Variants in MYBPC1 observed in about 807,000 individuals in gnomAD.
MYBPC1 encodes myosin binding protein C1, also known as myosin-binding protein C, slow-type.
Under a neutral mutation model 147.1 loss-of-function variants are expected in MYBPC1, and 52 were observed. The ratio of observed to expected loss-of-function variants is 0.35; its 90% CI spans 0.28 to 0.45. The LOEUF (loss-of-function observed/expected upper bound fraction) is 0.45, where lower values mean the gene tolerates loss of function less well. MYBPC1 is among the 20% of genes least tolerant of loss of function. The probability of loss-of-function intolerance (pLI) is 1.00; values close to 1 mark genes in which losing one functional copy is unlikely to be tolerated. For synonymous variants in MYBPC1, 477 were observed against 475.9 expected (o/e 1.00, Z -0.03); for missense variants, 1,228 against 1,440.3 (o/e 0.85, Z 2.39).
chr12:101,607,862 G>C (rs1441670079), intron 1 of MYBPC1, among the ~76,000 whole-genome samples: 1 of 152,182 alleles, frequency 6.6e-6, no homozygotes, highest in Non-Finnish European at 1.5e-5. Context: ...TAAGACGTAA[G>C]ATTTCTTTTT....
At chr12:101,690,100 G>A (rs1042959226), downstream of MYBPC1, among the ~76,000 whole-genome samples, 6 of 152,112 alleles carry the variant, frequency 3.9e-5, no homozygotes, top group Admixed American at 2.0e-4. Context: ...ACTTGAACCC[G>A]GGAGGCGGAG....
In MYBPC1 at chr12:101,631,835, T is replaced by A. The variant is rs1346353508; in HGVS notation, c.438+116T>A. 2.0e-6 allele frequency: 3 copies of A among 1,496,500 alleles called. No homozygotes were observed. The African/African-American group carries it at 4.2e-5, about 21-fold the overall frequency. 92.7% of individuals were successfully genotyped at this position (1,496,500 alleles called of 1,614,324 possible). A position where few individuals can be genotyped will look rare whatever the true frequency, so the allele number is the denominator to read the frequency against. On this transcript the variant is annotated intron_variant, in intron 7 of 31. Coordinates refer to ENST00000361466, the MANE Select transcript of MYBPC1 (RefSeq NM_002465.4). ...TTCAGTTCCAGAAAATCCTCTGAAGTTACCATTGCAGTGTCTACACTCTAT... is the reference window on the plus strand; with the variant it reads ...TTCAGTTCCAGAAAATCCTCTGAAGATACCATTGCAGTGTCTACACTCTAT...
intron 1 of MYBPC1, among the ~76,000 whole-genome samples, chr12:101,603,596 T>C (rs79390565): frequency 0.026 from 3,885 of 152,176 alleles, 120 homozygotes; most frequent in South Asian, 0.1. Context: ...CCAGCAACAG[T>C]TTGGAGCAAG....
intron 23 of MYBPC1, chr12:101,670,094 C>T: frequency 3.4e-6 from 2 of 595,660 alleles, no homozygotes; most frequent in Non-Finnish European, 6.0e-6. Context: ...TTTGCTGAGT[C>T]AAACTGTTAA....
intron 23 of MYBPC1, chr12:101,669,791 G>C (rs187057039): frequency 3.0e-4 from 60 of 199,498 alleles, no homozygotes; most frequent in African/African-American, 1.4e-3. Flanking sequence ...ACAAAAATTA[G>C]CCAGGCGTGG....
rs1321510374 is a variant in MYBPC1 at position 101,663,463 on chromosome 12, T to C, written c.2259T>C (p.Ser753=). 1.2e-6 allele frequency: 2 copies of C among 1,614,008 alleles called. No homozygotes were observed. Among genetic ancestry groups the C allele is most frequent in the Non-Finnish European group, 1.7e-6 (2 of 1,179,852 alleles). The change falls in exon 22 of 32, where the codon TCT becomes TCC. Residue 753 remains serine, a synonymous_variant. Transcript: ENST00000361466. ...TSPPTLLTVD[S]VTDTTVTMRW... ...CTCCTACTCTTCTGACTGTGGACTC[T>C]GTCACTGACACGACTGTCACGATGA...
chr12:101,601,285 G>A (rs1879817663), intron 1 of MYBPC1, among the ~76,000 whole-genome samples: 3 of 152,188 alleles, frequency 2.0e-5, no homozygotes. Context: ...TGATCATACT[G>A]TCTTGTCGTA....
Position 101,614,664 on chromosome 12 carries a change from C to A in MYBPC1, c.61+133C>A, listed in dbSNP as rs1169656029. 5 of 857,758 alleles carry A rather than the reference C, an allele frequency of 5.8e-6. No individual in the cohort carries two copies. In the Admixed American group the frequency reaches 6.0e-5, roughly 10 times the overall value. The allele number at this position is 857,758 out of a possible 1,614,324, so 53.1% of individuals were successfully genotyped here. A position where few individuals can be genotyped will look rare whatever the true frequency, so the allele number is the denominator to read the frequency against. On this transcript the variant is annotated intron_variant, in intron 2 of 31. Coordinates refer to ENST00000361466, the MANE Select transcript of MYBPC1 (RefSeq NM_002465.4). ...TCCTACTGAGAAGTTGGATGGTGAC[C>A]ATTGTGATAAGTTGAGAATAATAAA...
At position 101,600,032 on chromosome 12, in the gene MYBPC1, C is replaced by T. The variant is rs184512655; in HGVS notation, c.25+4937C>T. On this transcript the variant is annotated intron_variant, in intron 1 of 31. Coordinates refer to ENST00000361466, the MANE Select transcript of MYBPC1 (RefSeq NM_002465.4). ...GACTGGCCAATTCTTTCCTCTGAAG[C>T]GCCCTAAATATATCACTTTAAAAAG... Among the ~76,000 whole-genome samples, 748 of 152,158 alleles carry T rather than the reference C, an allele frequency of 4.9e-3. 6 individuals are homozygous for T. Among genetic ancestry groups the T allele is most frequent in the Middle Eastern group, 0.024 (7 of 294 alleles).
At chr12:101,665,798 A>AT (rs2136542128) in intron 22 of MYBPC1, among the ~76,000 whole-genome samples, 1 of 152,142 alleles carries the variant, frequency 6.6e-6, no homozygotes, top group Non-Finnish European at 1.5e-5. Context: ...TCACTTTCTC[A>AT]TCCACTGTCT....
chr12:101,646,123 C>T (rs1303915571), intron 12 of MYBPC1, among the ~76,000 whole-genome samples: 1 of 152,152 alleles, frequency 6.6e-6, no homozygotes, highest in East Asian at 1.9e-4. Flanking sequence ...AAAAATCTGA[C>T]ACCCTCAGCC....
intron 24 of MYBPC1, 79 bp from the exon 25 acceptor site, chr12:101,673,348 C>G: frequency 6.7e-7 from 1 of 1,484,256 alleles, no homozygotes; most frequent in East Asian, 2.3e-5. Context: ...GGTTAAGCCA[C>G]TGTCCTTCTC....
chr12:101,684,346 G>A lies in MYBPC1; in HGVS notation c.3493-36G>A, dbSNP rs201792988. 185 of 1,522,730 alleles carry A rather than the reference G, an allele frequency of 1.2e-4. 1 individual carries two copies. Among genetic ancestry groups the A allele is most frequent in the African/African-American group, 1.1e-3 (78 of 73,038 alleles). The allele number at this position is 1,522,730 out of a possible 1,614,324, so 94.3% of individuals were successfully genotyped here. On this transcript the variant is annotated intron_variant, in intron 30 of 31. Transcript: ENST00000361466. ...GTGTTAGCACTTTATTAATGCTTAC[G>A]ACTTCTCTCTCTCTCCCTCTTTCTC... is the stretch of plus-strand genomic sequence containing the variant.
intron 2 of MYBPC1, among the ~76,000 whole-genome samples, chr12:101,615,272 G>A (rs1038006663): frequency 1.2e-4 from 18 of 152,218 alleles, no homozygotes; most frequent in African/African-American, 4.1e-4. Flanking sequence ...GCTCTTCAGA[G>A]TCATTTATCA....
chr12:101,672,844 G>T (rs1229550778), intron 24 of MYBPC1, among the ~76,000 whole-genome samples: 2 of 151,632 alleles, frequency 1.3e-5, no homozygotes, highest in Non-Finnish European at 2.9e-5. Context: ...GCCAAACTCT[G>T]TCAAAAAAAA....
chr12:101,686,489 C>A (rs1566027751), downstream of MYBPC1, among the ~76,000 whole-genome samples: 2 of 152,152 alleles, frequency 1.3e-5, no homozygotes, highest in African/African-American at 4.8e-5. Flanking sequence ...TTGATGGAAA[C>A]CTTTATTAAA....
chr12:101,659,777 A>C lies in MYBPC1; in HGVS notation c.1873A>C (p.Asn625His). ...ERDDSGVYHI[N>H]LKNEAGEAHA... The stretch of plus-strand genomic sequence containing the variant: ...AGATGACTCTGGTGTTTACCACATC[A>C]ATCTGAAAAACGAAGCTGGAGAGGC... Residue 625 changes from asparagine to histidine, a missense_variant, in exon 19 of 32, where the codon AAT becomes CAT. By Grantham distance (68) the Asn-to-His change is moderately conservative (BLOSUM62 1). Around this residue, in one of 2 missense-constraint regions of MYBPC1, gnomAD observed 1,077 missense variants for 1,314.2 expected, o/e 0.82. Coordinates refer to ENST00000361466, the MANE Select transcript of MYBPC1 (RefSeq NM_002465.4). 6.2e-7 allele frequency: 1 copy of C among 1,614,164 alleles called. No individual in the cohort carries two copies. Among genetic ancestry groups the C allele is most frequent in the Non-Finnish European group, 8.5e-7 (1 of 1,180,000 alleles).
At chr12:101,598,932 T>C (rs1462936431) in intron 1 of MYBPC1, among the ~76,000 whole-genome samples, 1 of 152,216 alleles carries the variant, frequency 6.6e-6, no homozygotes, top group Non-Finnish European at 1.5e-5. Flanking sequence ...TCTAAAACAC[T>C]GAGTTGAGGC....
chr12:101,636,546 G>A (rs1891019531), intron 9 of MYBPC1, 126 bp from the exon 10 acceptor site: 3 of 769,150 alleles, frequency 3.9e-6, no homozygotes, highest in South Asian at 2.9e-5. Flanking sequence ...AAAAGAAATA[G>A]TTTGTGTTGA....
Sources: allele counts gnomAD v4.1 joint callset (sites outside exome capture counted in the v4.1 genomes callset), GRCh38; gene constraint gnomAD v4.1.1; regional missense constraint gnomAD v4.1.1; transcripts MANE v1.5; gene names NCBI Gene and HGNC (gene_info 2026-07-23, HGNC 2026-07-21).